KIAA0513: variants seen among roughly 807,000 people sequenced by gnomAD.
The protein encoded by KIAA0513 is uncharacterized protein KIAA0513.
In KIAA0513, 39 loss-of-function variants were observed where a neutral mutation model predicts 56.5. The observed-to-expected ratio is 0.69, with a 90% CI of 0.53 to 0.90. The LOEUF (loss-of-function observed/expected upper bound fraction) is 0.90. Among genes scored for constraint, KIAA0513 ranks in the 40% least tolerant of loss-of-function variants. The pLI is 0.00. For missense variants in KIAA0513, 591 were observed against 535.2 expected, an observed-to-expected ratio of 1.10 and a Z score of -1.03; for synonymous variants, 268 against 215.6, an observed-to-expected ratio of 1.24 and a Z score of -2.13.
At chr16:85,034,005 G>C (rs543074597) in intron 1 of KIAA0513, among the ~76,000 whole-genome samples, 6 of 151,890 alleles carry the variant, frequency 4.0e-5, no homozygotes, top group South Asian at 4.2e-4. Context: ...GGCCATGCTC[G>C]CCATCCCTCC....
At position 85,090,471 on chromosome 16, in the gene KIAA0513, ACAGCCT is replaced by A. The variant is rs1198596142; in HGVS notation, c.*2148_*2153del. ...CTTGGGAACGCTGGAGAGCTTGTGC[ACAGCCT>A]CTGGAAGGAAAGGCAGCGCTGACTT... is the stretch of plus-strand genomic sequence containing the variant. On this transcript the variant is annotated 3_prime_UTR_variant, in exon 13 of 13. Coordinates refer to ENST00000683363, the MANE Select transcript of KIAA0513 (RefSeq NM_001388359.1). The A allele has an allele frequency of 6.6e-6, 1 of 152,224 alleles. No homozygotes were observed. Among genetic ancestry groups the A allele is most frequent in the African/African-American group, 2.4e-5 (1 of 41,458 alleles). 9.4% of individuals were successfully genotyped at this position (152,224 alleles called of 1,614,324 possible).
intron 1 of KIAA0513, among the ~76,000 whole-genome samples, chr16:85,033,864 T>C (rs1263410313): frequency 4.6e-5 from 7 of 152,196 alleles, no homozygotes; most frequent in Non-Finnish European, 7.4e-5. Context: ...TCGTAGTTTG[T>C]CTCTCCCTGC....
chr16:85,059,745 T>A (rs1183516084), intron 1 of KIAA0513, among the ~76,000 whole-genome samples: 1 of 152,244 alleles, frequency 6.6e-6, no homozygotes, highest in Non-Finnish European at 1.5e-5. Flanking sequence ...CTGTCTCATG[T>A]TAGCACGGCC....
chr16:85,077,486 C>T lies in KIAA0513; in HGVS notation c.636C>T (p.Tyr212=), dbSNP rs757841670. Residue 212 remains tyrosine (Y), a synonymous_variant, in exon 6 of 13, where the codon TAC becomes TAT. Transcript: ENST00000683363. ...REKPAGSIDS[Y]LKSANSWLAE... is the part of the protein sequence containing the mutation. Reference sequence around the variant, plus strand: ...AGCCCGCGGGCAGCATCGACTCCTACCTGAAATCCGCAAACAGCTGGCTGG... The same window carrying T: ...AGCCCGCGGGCAGCATCGACTCCTATCTGAAATCCGCAAACAGCTGGCTGG... 2 of 1,614,222 alleles carry T rather than the reference C, an allele frequency of 1.2e-6. No individual in the cohort carries two copies. The highest frequency in any genetic ancestry group is 4.5e-5 in the East Asian group (2 of 44,878).
intron 12 of KIAA0513, among the ~76,000 whole-genome samples, chr16:85,087,768 T>C (rs1461036398): frequency 6.6e-6 from 1 of 152,210 alleles, no homozygotes; most frequent in African/African-American, 2.4e-5. Context: ...CCATATTCTT[T>C]AGAGAATCCC....
intron 3 of KIAA0513, among the ~76,000 whole-genome samples, chr16:85,072,271 A>C (rs2073588544): frequency 6.6e-6 from 1 of 152,124 alleles, no homozygotes; most frequent in South Asian, 2.1e-4. Flanking sequence ...AAGAGTAAGA[A>C]ACTGGGCTTT....
At chr16:85,086,508 T>A in intron 10 of KIAA0513, 136 bp from the exon 11 acceptor site, 1 of 801,164 alleles carries the variant, frequency 1.2e-6, no homozygotes, top group South Asian at 1.5e-5. Context: ...GGCTCTCCGG[T>A]GGAAGGCACC....
At chr16:85,033,852 TGTC>T (rs1397426777) in intron 1 of KIAA0513, among the ~76,000 whole-genome samples, 2 of 152,198 alleles carry the variant, frequency 1.3e-5, no homozygotes. Flanking sequence ...TACAGAAAGA[TGTC>T]GTAGTTTGTC....
intron 1 of KIAA0513, among the ~76,000 whole-genome samples, chr16:85,033,256 C>G (rs1480492342): frequency 6.6e-6 from 1 of 152,186 alleles, no homozygotes; most frequent in Non-Finnish European, 1.5e-5. Flanking sequence ...TGAATCTCCT[C>G]ACTTCTGATT....
At chr16:85,084,098 G>A (rs563658779) in intron 10 of KIAA0513, among the ~76,000 whole-genome samples, 6 of 119,460 alleles carry the variant, frequency 5.0e-5, no homozygotes, top group Admixed American at 4.6e-4. Context: ...GTCTCGCTCT[G>A]TTGCCCAGGC....
chr16:85,033,904 C>A (rs2143835572), intron 1 of KIAA0513, among the ~76,000 whole-genome samples: 1 of 152,324 alleles, frequency 6.6e-6, no homozygotes, highest in East Asian at 1.9e-4. Flanking sequence ...TTACCCTCCC[C>A]AGTGGCATTA....
At chr16:85,072,813 G>T (rs138114768) in intron 3 of KIAA0513, 112 bp from the exon 4 acceptor site, 360 of 1,046,170 alleles carry the variant, frequency 3.4e-4, no homozygotes, top group Middle Eastern at 1.7e-3. Flanking sequence ...GACATCCTGG[G>T]CCCCCATCCC....
chr16:85,075,766 T>A (rs2073647119), intron 4 of KIAA0513, 78 bp from the exon 5 acceptor site: 2 of 1,233,322 alleles, frequency 1.6e-6, no homozygotes, highest in Non-Finnish European at 2.4e-6. Flanking sequence ...GTGTCAAGTG[T>A]CTCAGTGATG....
At chr16:85,080,318 T>G (rs2073724393) in intron 8 of KIAA0513, among the ~76,000 whole-genome samples, 1 of 152,218 alleles carries the variant, frequency 6.6e-6, no homozygotes, top group African/African-American at 2.4e-5. Flanking sequence ...TATGTTAGAC[T>G]TTGCGGGCCA....
In KIAA0513 at chr16:85,076,559, G is replaced by A. The variant is rs2073658684; in HGVS notation, c.574+645G>A. Among the ~76,000 whole-genome samples, 3 of 152,286 alleles carry A rather than the reference G, an allele frequency of 2.0e-5. No homozygotes were observed. Among genetic ancestry groups the A allele is most frequent in the Middle Eastern group, 6.8e-3 (2 of 294 alleles). ...CTCCTCGTGGACTGGAGCTAGGTCA[G>A]GGAGGTGCTAGGCCCTGGTCCCCCG... is the stretch of plus-strand genomic sequence containing the variant. On this transcript the variant is annotated intron_variant, in intron 5 of 12. Transcript: ENST00000683363. This position sits in a 1 kb window ranked among gnomAD's most constrained non-coding sequence, Gnocchi z 4.7.
intron 10 of KIAA0513, 26 bp from the exon 11 acceptor site, chr16:85,086,618 G>T: frequency 1.2e-6 from 2 of 1,609,452 alleles, no homozygotes; most frequent in South Asian, 1.1e-5. Context: ...TCTGAGCCCC[G>T]CTTCTGTCAC....
chr16:85,082,504 C>T, intron 9 of KIAA0513, 60 bp from the exon 10 acceptor site: 1 of 1,552,074 alleles, frequency 6.4e-7, no homozygotes, highest in African/African-American at 1.4e-5. Context: ...TTTTACCATC[C>T]ACATATCTTG....
At chr16:85,048,107 A>G (rs1278661736) in intron 1 of KIAA0513, among the ~76,000 whole-genome samples, 1 of 152,202 alleles carries the variant, frequency 6.6e-6, no homozygotes, top group Non-Finnish European at 1.5e-5. Flanking sequence ...GGAAGTCAGG[A>G]ATAAAGTAAA....
chr16:85,062,196 C>A (rs555048624), intron 1 of KIAA0513, among the ~76,000 whole-genome samples: 1 of 146,038 alleles, frequency 6.8e-6, no homozygotes, highest in Admixed American at 6.9e-5. Context: ...TCTCCCTGCC[C>A]CTGGTACGTA....
Sources: gnomAD v4.1 joint callset for allele counts (sites outside exome capture counted in the v4.1 genomes callset) on GRCh38, gnomAD v4.1.1 for gene constraint, Gnocchi (gnomAD v3.1) non-coding constraint, MANE v1.5 for transcripts, NCBI Gene and HGNC (gene_info 2026-07-23, HGNC 2026-07-21) for gene names.